Variants in CTIF observed in about 807,000 individuals in gnomAD.
The protein encoded by CTIF is cap binding complex dependent translation initiation factor.
A neutral mutation model predicts 66.0 loss-of-function variants in CTIF; 21 were observed. The observed-to-expected ratio is 0.32, with a 90% CI of 0.23 to 0.46. The LOEUF (loss-of-function observed/expected upper bound fraction) is 0.46. CTIF is among the 20% of genes least tolerant of loss of function. CTIF has a pLI of 1.00. For missense variants in CTIF, 739 were observed against 812.7 expected (o/e 0.91, Z 1.10); for synonymous variants, 345 against 326.4 (o/e 1.06, Z -0.62).
At chr18:48,645,310 C>T (rs1463030575) in intron 3 of CTIF, among the ~76,000 whole-genome samples, 1 of 106,074 alleles carries the variant, frequency 9.4e-6, no homozygotes, top group Non-Finnish European at 2.1e-5. Flanking sequence ...TAAAAAGCTG[C>T]TCTCTACAGG....
intron 10 of CTIF, among the ~76,000 whole-genome samples, chr18:48,832,560 G>A (rs1455495078): frequency 2.0e-5 from 3 of 152,174 alleles, no homozygotes; most frequent in Admixed American, 6.5e-5. Context: ...TGCTGGGCAG[G>A]GCTGGGCAGC....
At chr18:48,853,199 C>A (rs1003910672) in intron 10 of CTIF, among the ~76,000 whole-genome samples, 4 of 152,150 alleles carry the variant, frequency 2.6e-5, no homozygotes, top group Non-Finnish European at 5.9e-5. Flanking sequence ...ATGGAGCTTG[C>A]CTTCTAGAGC....
intron 1 of CTIF, among the ~76,000 whole-genome samples, chr18:48,589,744 G>A (rs1447644809): frequency 3.9e-5 from 6 of 152,202 alleles, no homozygotes; most frequent in Non-Finnish European, 8.8e-5. Flanking sequence ...CATTTTGCTA[G>A]TCTTGGATGC....
At chr18:48,735,347 T>A (rs954903502) in intron 7 of CTIF, among the ~76,000 whole-genome samples, 1 of 151,980 alleles carries the variant, frequency 6.6e-6, no homozygotes, top group Admixed American at 6.6e-5. Context: ...GGGAGGAAGG[T>A]GTGAGAAGCC....
chr18:48,786,050 T>C (rs1422112731), intron 9 of CTIF, among the ~76,000 whole-genome samples: 2 of 152,012 alleles, frequency 1.3e-5, no homozygotes, highest in Non-Finnish European at 2.9e-5. Flanking sequence ...TTCTCCCTCA[T>C]CCCAAAGCCC....
chr18:48,618,541 A>G (rs2090436780), intron 1 of CTIF, among the ~76,000 whole-genome samples: 1 of 152,220 alleles, frequency 6.6e-6, no homozygotes, highest in Non-Finnish European at 1.5e-5. Context: ...GGAGCCCATC[A>G]GAGGAAGGGG....
At chr18:48,843,308 C>T (rs910207919) in intron 10 of CTIF, among the ~76,000 whole-genome samples, 7 of 152,158 alleles carry the variant, frequency 4.6e-5, no homozygotes, top group African/African-American at 1.7e-4. Flanking sequence ...CCTCCATCTG[C>T]CCTCCCCAGG....
At chr18:48,817,748 C>T (rs971830215) in intron 10 of CTIF, among the ~76,000 whole-genome samples, 8 of 150,998 alleles carry the variant, frequency 5.3e-5, no homozygotes, top group Admixed American at 2.0e-4. Flanking sequence ...GCACTCCAGC[C>T]TGGGCGACAG....
At chr18:48,711,746 A>G (rs1434526960) in intron 7 of CTIF, 51 bp downstream of exon 7, 2 of 1,487,308 alleles carry the variant, frequency 1.3e-6, no homozygotes, top group Middle Eastern at 1.7e-4. Context: ...TGCTTCTGCC[A>G]TCTGTAGCGA....
chr18:48,549,869 G>A (rs2088841849), intron 1 of CTIF, among the ~76,000 whole-genome samples: 1 of 152,224 alleles, frequency 6.6e-6, no homozygotes, highest in Non-Finnish European at 1.5e-5. Context: ...GGTTGGCTAA[G>A]CAAAGAGGAA....
chr18:48,627,909 A>G (rs1299403742), intron 2 of CTIF, among the ~76,000 whole-genome samples: 4 of 152,110 alleles, frequency 2.6e-5, no homozygotes, highest in Non-Finnish European at 5.9e-5. Context: ...CATACCACAC[A>G]GTCAAACGGG....
chr18:48,777,209 G>A (rs2146018281), intron 9 of CTIF, among the ~76,000 whole-genome samples: 1 of 152,348 alleles, frequency 6.6e-6, no homozygotes, highest in Admixed American at 6.5e-5. Context: ...CTTGGCTTGT[G>A]TGTGCTGGCG....
intron 3 of CTIF, among the ~76,000 whole-genome samples, chr18:48,642,991 G>A (rs1292169207): frequency 6.6e-6 from 1 of 152,166 alleles, no homozygotes; most frequent in Non-Finnish European, 1.5e-5. Context: ...GAAGTACAAC[G>A]CTACTCTGTG....
chr18:48,647,089 C>T (rs2091053447), intron 3 of CTIF, among the ~76,000 whole-genome samples: 2 of 152,184 alleles, frequency 1.3e-5, no homozygotes, highest in Admixed American at 1.3e-4. Flanking sequence ...TGATCTTCAG[C>T]AGATGAATGG....
chr18:48,550,408 T>C (rs542319572), intron 1 of CTIF, among the ~76,000 whole-genome samples: 30 of 152,328 alleles, frequency 2.0e-4, no homozygotes, highest in African/African-American at 6.5e-4. Flanking sequence ...GAATGAGTTC[T>C]GTTGTCCCTG....
At chr18:48,612,696 C>T (rs1416192393) in intron 1 of CTIF, among the ~76,000 whole-genome samples, 1 of 152,204 alleles carries the variant, frequency 6.6e-6, no homozygotes, top group Non-Finnish European at 1.5e-5. Flanking sequence ...TCCGATGCCA[C>T]CTCCACTGCA....
intron 1 of CTIF, among the ~76,000 whole-genome samples, chr18:48,555,716 G>A (rs1030437072): frequency 4.6e-5 from 7 of 152,198 alleles, no homozygotes; most frequent in Admixed American, 4.6e-4. Context: ...GAGACCCTGT[G>A]ACATGGACAT....
chr18:48,572,109 CCTCCCTCCTTTCT>C (rs2089430020), intron 1 of CTIF, among the ~76,000 whole-genome samples: 1 of 151,932 alleles, frequency 6.6e-6, no homozygotes, highest in Admixed American at 6.6e-5. Context: ...TCCTCCTTCC[CCTCCCTCCTTTCT>C]CCTTCCTCTT....
intron 7 of CTIF, among the ~76,000 whole-genome samples, chr18:48,747,339 T>G (rs1248659917): frequency 6.6e-6 from 1 of 152,154 alleles, no homozygotes; most frequent in Non-Finnish European, 1.5e-5. Flanking sequence ...CCCCAGTAGG[T>G]TCCTGGCTAA....
Sources: gnomAD v4.1 joint callset for allele counts (sites outside exome capture counted in the v4.1 genomes callset) on GRCh38, gnomAD v4.1.1 for gene constraint, MANE v1.5 for transcripts, NCBI Gene and HGNC (gene_info 2026-07-23, HGNC 2026-07-21) for gene names.